TRPM3: variants seen among roughly 807,000 people sequenced by gnomAD.
TRPM3 encodes transient receptor potential cation channel subfamily M member 3.
TRPM3 carries 77 observed loss-of-function variants against 181.2 expected under a neutral mutation model. The observed-to-expected ratio is 0.42, with a 90% confidence interval of 0.35 to 0.51. TRPM3 has a LOEUF of 0.51. TRPM3 is among the 20% of genes least tolerant of loss of function. The probability of loss-of-function intolerance (pLI) is 0.01; values close to 1 mark genes in which losing one functional copy is unlikely to be tolerated. For missense variants in TRPM3, 1,759 were observed against 2,196.7 expected, an observed-to-expected ratio of 0.80 and a Z score of 3.98; for synonymous variants, 745 against 796.4, an observed-to-expected ratio of 0.94 and a Z score of 1.09.
chr9:71,274,981 G>C (rs1195495297), intron 1 of TRPM3, among the ~76,000 whole-genome samples: 1 of 152,074 alleles, frequency 6.6e-6, no homozygotes, highest in African/African-American at 2.4e-5. Context: ...AAGGTTTTGA[G>C]TTTGCAAAGA....
intron 1 of TRPM3, among the ~76,000 whole-genome samples, chr9:71,182,190 A>C (rs182289825): frequency 9.8e-4 from 149 of 152,248 alleles, no homozygotes; most frequent in Admixed American, 5.0e-3. Context: ...TTGGCACTAG[A>C]ATTTCAGAGG....
At chr9:70,990,638 T>C (rs1177301412) in intron 1 of TRPM3, among the ~76,000 whole-genome samples, 1 of 152,164 alleles carries the variant, frequency 6.6e-6, no homozygotes, top group Non-Finnish European at 1.5e-5. Context: ...TTATTTGTTG[T>C]TTATTATTAC....
chr9:71,364,395 G>C (rs2092265148), intron 1 of TRPM3, among the ~76,000 whole-genome samples: 1 of 152,320 alleles, frequency 6.6e-6, no homozygotes, highest in South Asian at 2.1e-4. Context: ...TACTCTTCTG[G>C]ACATTTCCAA....
In TRPM3 at chr9:71,312,919, C is replaced by T. The variant is rs147272095; in HGVS notation, c.183+133734G>A. Among the ~76,000 whole-genome samples the T allele has an allele frequency of 1.5e-3, 227 of 152,022 alleles. 5 individuals carry two copies. The East Asian group carries it at 0.037, about 25-fold the overall frequency. On this transcript the variant is annotated intron_variant, in intron 1 of 24. Coordinates refer to the TRPM3 transcript ENST00000357533. ...GAAGGAGAGATGAATAGGCAGAGCA[C>T]GAAGGATTTTTTGGGCAGTGAAATT...
chr9:71,376,228 T>A (rs2092662380), intron 1 of TRPM3, among the ~76,000 whole-genome samples: 1 of 151,928 alleles, frequency 6.6e-6, no homozygotes, highest in African/African-American at 2.4e-5. Flanking sequence ...AGAAATGGAC[T>A]AGAAGAAATG....
At chr9:70,869,086 C>G (rs1450101800) in intron 1 of TRPM3, 1 of 981,790 alleles carries the variant, frequency 1.0e-6, no homozygotes, top group African/African-American at 1.8e-5. Flanking sequence ...TAATAATGCT[C>G]TTATGACCGC....
chr9:70,803,271 C>G (rs574073516), intron 6 of TRPM3, among the ~76,000 whole-genome samples: 1 of 152,024 alleles, frequency 6.6e-6, no homozygotes, highest in Non-Finnish European at 1.5e-5. Flanking sequence ...CACAGTTGAC[C>G]ATTTCATTCC....
At chr9:70,980,293 A>C (rs777174567) in intron 1 of TRPM3, among the ~76,000 whole-genome samples, 65 of 152,108 alleles carry the variant, frequency 4.3e-4, no homozygotes, top group Non-Finnish European at 7.4e-4. Flanking sequence ...GCAGGGCAAA[A>C]AAGAAAGATC....
chr9:70,829,522 G>C (rs909396719), intron 5 of TRPM3, among the ~76,000 whole-genome samples: 1 of 152,008 alleles, frequency 6.6e-6, no homozygotes, highest in Non-Finnish European at 1.5e-5. Context: ...TCTGAAAAAG[G>C]CTTCAGTCCT....
intron 25 of TRPM3, among the ~76,000 whole-genome samples, chr9:70,548,265 G>A (rs1410993550): frequency 4.6e-5 from 7 of 152,144 alleles, no homozygotes; most frequent in South Asian, 2.1e-4. Context: ...ATTGCTTTAC[G>A]TTATATCATC....
chr9:70,987,327 T>C (rs2097431913), intron 1 of TRPM3, among the ~76,000 whole-genome samples: 1 of 152,196 alleles, frequency 6.6e-6, no homozygotes, highest in Non-Finnish European at 1.5e-5. Flanking sequence ...CTTTATTCAA[T>C]TTTCAAAAAC....
At chr9:70,696,738 G>A (rs781572057) in intron 8 of TRPM3, among the ~76,000 whole-genome samples, 6 of 152,062 alleles carry the variant, frequency 3.9e-5, no homozygotes, top group Non-Finnish European at 8.8e-5. Context: ...AAACAGATAC[G>A]AGATTATATT....
At chr9:70,898,893 G>A (rs2096339633) in intron 1 of TRPM3, among the ~76,000 whole-genome samples, 1 of 152,148 alleles carries the variant, frequency 6.6e-6, no homozygotes, top group South Asian at 2.1e-4. Flanking sequence ...TTTTGAACCT[G>A]AACCCTTTCT....
At chr9:71,084,704 C>T (rs1011405728) in intron 1 of TRPM3, among the ~76,000 whole-genome samples, 10 of 151,820 alleles carry the variant, frequency 6.6e-5, no homozygotes, top group Admixed American at 1.3e-4. Flanking sequence ...CTGCTTAAAG[C>T]GATCTACAGA....
At chr9:71,314,178 T>C (rs2088302354) in intron 1 of TRPM3, among the ~76,000 whole-genome samples, 1 of 152,152 alleles carries the variant, frequency 6.6e-6, no homozygotes, top group African/African-American at 2.4e-5. Flanking sequence ...AAACACTTTT[T>C]ACAGGAGTTT....
At chr9:71,170,193 CAG>C (rs375194972) in intron 1 of TRPM3, among the ~76,000 whole-genome samples, 632 of 151,914 alleles carry the variant, frequency 4.2e-3, no homozygotes, top group Non-Finnish European at 5.4e-3. Flanking sequence ...ATTAATGACT[CAG>C]GGGGAGAAAG....
intron 1 of TRPM3, among the ~76,000 whole-genome samples, chr9:71,145,435 T>C (rs1159141679): frequency 6.6e-6 from 1 of 152,178 alleles, no homozygotes; most frequent in African/African-American, 2.4e-5. Flanking sequence ...TGAAAAACTC[T>C]GAGAGAATGC....
chr9:70,932,061 G>A (rs1461037778), intron 1 of TRPM3, among the ~76,000 whole-genome samples: 7 of 152,172 alleles, frequency 4.6e-5, no homozygotes, highest in Non-Finnish European at 4.4e-5. Flanking sequence ...GGACACAGAC[G>A]ATAAATCTAC....
At chr9:70,656,708 A>C (rs76071940) in intron 9 of TRPM3, among the ~76,000 whole-genome samples, 3 of 152,202 alleles carry the variant, frequency 2.0e-5, no homozygotes, top group African/African-American at 7.2e-5. Context: ...GTAATTTAGA[A>C]TCTAAAGTTG....
Sources: allele counts gnomAD v4.1 joint callset (sites outside exome capture counted in the v4.1 genomes callset), GRCh38; gene constraint gnomAD v4.1.1; transcripts MANE v1.5; gene names NCBI Gene and HGNC (gene_info 2026-07-23, HGNC 2026-07-21).